The following PTPN13 variants were observed in gnomAD, a reference collection of about 807,000 sequenced individuals.
PTPN13 encodes tyrosine-protein phosphatase non-receptor type 13.
PTPN13 carries 191 observed loss-of-function variants against 284.0 expected under a neutral mutation model. The observed-to-expected ratio is 0.67, with a 90% confidence interval of 0.60 to 0.76. The LOEUF (loss-of-function observed/expected upper bound fraction) is 0.76, where lower values mean the gene tolerates loss of function less well. PTPN13 is among the 30% of genes least tolerant of loss of function. PTPN13 has a pLI of 0.00. For missense variants in PTPN13, 2,797 were observed against 2,939.9 expected (o/e 0.95, Z 1.12); for synonymous variants, 986 against 1,022.3 (o/e 0.96, Z 0.68).
intron 42 of PTPN13, among the ~76,000 whole-genome samples, chr4:86,799,474 C>T (rs1160928193): frequency 1.3e-5 from 2 of 151,844 alleles, no homozygotes; most frequent in Non-Finnish European, 2.9e-5. Flanking sequence ...GGATTACAGG[C>T]GGGTGCCACC....
At chr4:86,780,375 T>A in intron 35 of PTPN13, 27 bp from the exon 36 acceptor site, 1 of 1,586,836 alleles carries the variant, frequency 6.3e-7, no homozygotes, top group Non-Finnish European at 8.6e-7. Context: ...CCAAGACAAT[T>A]TACAGTTGTC....
At position 86,782,222 on chromosome 4, in the gene PTPN13, G is replaced by T; in HGVS notation, c.5984G>T (p.Cys1995Phe). 1 of 1,610,220 alleles carries T rather than the reference G, an allele frequency of 6.2e-7. No individual in the cohort carries two copies. The highest frequency in any genetic ancestry group is 8.5e-7 in the Non-Finnish European group (1 of 1,176,562). The change falls in exon 37 of 48, where the codon TGC becomes TTC. Residue 1995 changes from cysteine to phenylalanine, a missense_variant. Physicochemically the swap from Cys to Phe is radical, Grantham distance 205 (BLOSUM62 -2). Transcript: ENST00000411767. ...TCAGGTTCCTACAGTGTGGGGTCTT[G>T]CAGCCAGCCTGCCCTCACTCCTAAT... ...KGNGSYSVGS[C>F]SQPALTPNDS...
chr4:86,807,891 T>A lies in PTPN13; in HGVS notation c.7077T>A (p.Asp2359Glu). The change falls in exon 45 of 48, where the codon GAT becomes GAA. Residue 2359 changes from aspartate (D) to glutamate (E), a missense_variant. Coordinates refer to ENST00000411767, the MANE Select transcript of PTPN13 (RefSeq NM_080683.3). ...TGGTGAGGGCAATGACCCTTGAAGATATTCAGGTAAGTGAATGAAATCTTT... is the reference window on the plus strand; with the variant it reads ...TGGTGAGGGCAATGACCCTTGAAGAAATTCAGGTAAGTGAATGAAATCTTT... Reference protein sequence around the residue: ...GFVVRAMTLEDIQTREVRHIS... With the variant: ...GFVVRAMTLEEIQTREVRHIS... 1.2e-6 allele frequency: 2 copies of A among 1,607,192 alleles called. No homozygotes were observed. Among genetic ancestry groups the A allele is most frequent in the Non-Finnish European group, 1.7e-6 (2 of 1,175,460 alleles).
intron 40 of PTPN13, among the ~76,000 whole-genome samples, chr4:86,795,167 A>C (rs1299365004): frequency 6.6e-6 from 1 of 152,214 alleles, no homozygotes; most frequent in African/African-American, 2.4e-5. Context: ...AATATCCTGA[A>C]TCTACAAATA....
intron 46 of PTPN13, among the ~76,000 whole-genome samples, chr4:86,810,533 A>C (rs1185377087): frequency 1.3e-5 from 2 of 152,236 alleles, no homozygotes; most frequent in Admixed American, 1.3e-4. Context: ...AGAATATCTT[A>C]CCATAGATAA....
chr4:86,664,049 G>A (rs182390124), intron 2 of PTPN13, among the ~76,000 whole-genome samples: 43 of 152,196 alleles, frequency 2.8e-4, no homozygotes, highest in Middle Eastern at 6.8e-3. Flanking sequence ...TTTGTGTGTA[G>A]GATAGGTTGG....
chr4:86,603,060 C>A (rs1764448131), intron 1 of PTPN13, among the ~76,000 whole-genome samples: 1 of 152,018 alleles, frequency 6.6e-6, no homozygotes, highest in Non-Finnish European at 1.5e-5. Flanking sequence ...GGACATATGG[C>A]ATATTGTTTT....
chr4:86,683,923 A>G (rs1298807990), intron 3 of PTPN13, among the ~76,000 whole-genome samples: 1 of 152,176 alleles, frequency 6.6e-6, no homozygotes, highest in African/African-American at 2.4e-5. Flanking sequence ...AGGTTCTTTG[A>G]AAAGGTATTT....
intron 3 of PTPN13, among the ~76,000 whole-genome samples, chr4:86,679,837 C>G (rs888369806): frequency 1.3e-5 from 2 of 152,176 alleles, no homozygotes; most frequent in Non-Finnish European, 2.9e-5. Flanking sequence ...CTTTTCGTCT[C>G]CTCTTTAGAG....
intron 2 of PTPN13, among the ~76,000 whole-genome samples, chr4:86,659,597 C>G (rs546691701): frequency 1.0e-3 from 159 of 152,266 alleles, no homozygotes; most frequent in Non-Finnish European, 1.8e-3. Context: ...GGACGGATCA[C>G]TTGATGTCAG....
At chr4:86,625,188 C>T (rs1384798619) in intron 1 of PTPN13, among the ~76,000 whole-genome samples, 2 of 152,112 alleles carry the variant, frequency 1.3e-5, no homozygotes, top group African/African-American at 4.8e-5. Flanking sequence ...TATCTTGGAA[C>T]TTTCATGATC....
chr4:86,811,782 TC>T (rs1745241092), intron 47 of PTPN13, among the ~76,000 whole-genome samples: 1 of 152,200 alleles, frequency 6.6e-6, no homozygotes, highest in Admixed American at 6.5e-5. Flanking sequence ...AATTAACATT[TC>T]TCTACCTCTT....
chr4:86,665,512 A>G (rs893581575), intron 2 of PTPN13, among the ~76,000 whole-genome samples: 5 of 152,204 alleles, frequency 3.3e-5, no homozygotes, highest in Admixed American at 2.0e-4. Context: ...TAGTTACTCA[A>G]TAAGTACTAA....
At chr4:86,655,702 A>G (rs1725711679) in intron 2 of PTPN13, among the ~76,000 whole-genome samples, 1 of 152,118 alleles carries the variant, frequency 6.6e-6, no homozygotes, top group African/African-American at 2.4e-5. Flanking sequence ...ACTTTGGTGA[A>G]TCTGACAATT....
chr4:86,784,086 T>G (rs191352880), intron 37 of PTPN13, among the ~76,000 whole-genome samples: 21 of 152,172 alleles, frequency 1.4e-4, no homozygotes, highest in African/African-American at 5.1e-4. Flanking sequence ...TTTTTTAAAA[T>G]TGTATGAAAG....
At chr4:86,602,733 G>T (rs1232500321) in intron 1 of PTPN13, among the ~76,000 whole-genome samples, 1 of 150,182 alleles carries the variant, frequency 6.7e-6, no homozygotes, top group African/African-American at 2.5e-5. Flanking sequence ...CAGTCACTCA[G>T]GCTGGAGTGT....
intron 2 of PTPN13, among the ~76,000 whole-genome samples, chr4:86,637,187 G>T (rs1327049631): frequency 6.6e-6 from 1 of 152,052 alleles, no homozygotes; most frequent in African/African-American, 2.4e-5. Context: ...GCAATAATCA[G>T]TAGCTTACCA....
chr4:86,709,194 G>A (rs896776173), intron 7 of PTPN13, among the ~76,000 whole-genome samples: 2 of 151,910 alleles, frequency 1.3e-5, no homozygotes, highest in Admixed American at 1.3e-4. Context: ...ATATTTCCTT[G>A]CCTTTATTCA....
At chr4:86,791,833 C>A (rs1375666124) in intron 40 of PTPN13, among the ~76,000 whole-genome samples, 3 of 152,124 alleles carry the variant, frequency 2.0e-5, no homozygotes, top group African/African-American at 7.2e-5. Context: ...GACATCCACA[C>A]CAAAACCCTA....
Sources: allele counts gnomAD v4.1 joint callset (sites outside exome capture counted in the v4.1 genomes callset), GRCh38; gene constraint gnomAD v4.1.1; transcripts MANE v1.5; gene names NCBI Gene and HGNC (gene_info 2026-07-23, HGNC 2026-07-21).